Variants in TDRD9 observed in about 807,000 individuals in gnomAD.
The protein encoded by TDRD9 is ATP-dependent RNA helicase TDRD9.
A neutral mutation model predicts 172.6 loss-of-function variants in TDRD9; 124 were observed. The observed-to-expected ratio is 0.72, with a 90% CI of 0.62 to 0.83. TDRD9 has a LOEUF of 0.83. Ranked by LOEUF, TDRD9 falls within the 40% of genes least tolerant of loss-of-function variation. TDRD9 has a pLI of 0.00. For synonymous variants in TDRD9, 619 were observed against 617.1 expected (o/e 1.00, Z -0.05); for missense variants, 1,479 against 1,714.1 (o/e 0.86, Z 2.42).
At chr14:104,037,996 C>T (rs971765731) in intron 32 of TDRD9, among the ~76,000 whole-genome samples, 2 of 152,212 alleles carry the variant, frequency 1.3e-5, no homozygotes, top group African/African-American at 2.4e-5. Flanking sequence ...GAGCCTGGCA[C>T]CTCCAGGATG....
chr14:104,027,769 C>G (rs1044905598), intron 28 of TDRD9, among the ~76,000 whole-genome samples: 1 of 152,116 alleles, frequency 6.6e-6, no homozygotes, highest in Non-Finnish European at 1.5e-5. Flanking sequence ...ATATTTACCC[C>G]ACAGTGCTGC....
In TDRD9 at chr14:103,980,026, C is replaced by T. The variant is rs570206476; in HGVS notation, c.1011+4473C>T. On this transcript the variant is annotated intron_variant, in intron 7 of 35. Transcript: ENST00000409874. The surrounding 1 kb of genome is among the most constrained non-coding windows in gnomAD (Gnocchi z 4.5). The stretch of plus-strand genomic sequence containing the variant: ...AAGAAGCTATGACTACAGATGCATA[C>T]CACCATGCTTGGCTAATTAAAAAAA... Among the ~76,000 whole-genome samples the T allele has an allele frequency of 1.3e-5, 2 of 152,154 alleles. No individual in the cohort carries two copies. The highest frequency in any genetic ancestry group is 1.9e-4 in the East Asian group (1 of 5,174).
intron 35 of TDRD9, 73 bp downstream of exon 35, chr14:104,049,753 G>T: frequency 7.5e-7 from 1 of 1,340,854 alleles, no homozygotes; most frequent in South Asian, 1.3e-5. Context: ...CAGACCCAGG[G>T]TTCAGAGCCA....
intron 1 of TDRD9, among the ~76,000 whole-genome samples, chr14:103,955,370 A>G (rs771190271): frequency 2.6e-5 from 4 of 152,180 alleles, no homozygotes; most frequent in Non-Finnish European, 5.9e-5. Flanking sequence ...TGCCTCAAAA[A>G]AATGATACTG....
chr14:104,047,442 G>C (rs767281673), intron 34 of TDRD9, among the ~76,000 whole-genome samples: 36 of 151,844 alleles, frequency 2.4e-4, no homozygotes, highest in Admixed American at 5.9e-4. Flanking sequence ...AATGCTTCTT[G>C]TTTTAAGGCC....
intron 1 of TDRD9, among the ~76,000 whole-genome samples, chr14:103,931,800 A>G (rs983762284): frequency 4.6e-5 from 7 of 152,240 alleles, no homozygotes; most frequent in African/African-American, 1.7e-4. Context: ...GTCTGATCAC[A>G]TGAGCCCTTA....
At chr14:104,039,855 T>A (rs1184527128) in intron 32 of TDRD9, among the ~76,000 whole-genome samples, 1 of 151,842 alleles carries the variant, frequency 6.6e-6, no homozygotes, top group African/African-American at 2.4e-5. Flanking sequence ...ATCTCCCTAA[T>A]AAGAATTTAA....
chr14:104,015,312 G>C (rs2034754570), intron 21 of TDRD9, among the ~76,000 whole-genome samples: 1 of 152,152 alleles, frequency 6.6e-6, no homozygotes, highest in Non-Finnish European at 1.5e-5. Flanking sequence ...GTGTGTCCTG[G>C]CCAGTGGAGA....
At chr14:103,930,135 C>T (rs577939174) in intron 1 of TDRD9, among the ~76,000 whole-genome samples, 1 of 152,252 alleles carries the variant, frequency 6.6e-6, no homozygotes, top group South Asian at 2.1e-4. Context: ...CTTGCTCAGT[C>T]CCCAAGTCCA....
chr14:104,026,256 A>G (rs1196269794), intron 27 of TDRD9, 120 bp downstream of exon 27: 1 of 680,680 alleles, frequency 1.5e-6, no homozygotes. Flanking sequence ...GGCCCAGGAC[A>G]GGGAGGGACT....
chr14:103,988,953 C>T (rs1026199813), intron 8 of TDRD9, among the ~76,000 whole-genome samples: 2 of 152,014 alleles, frequency 1.3e-5, no homozygotes, highest in Non-Finnish European at 2.9e-5. Flanking sequence ...ATTACCTTTA[C>T]CAGTTCTCTT....
chr14:103,959,646 T>TATTTCAAAATTATTCAAAAATAAAAA (rs2032415937), intron 2 of TDRD9, among the ~76,000 whole-genome samples: 1 of 152,204 alleles, frequency 6.6e-6, no homozygotes, highest in Non-Finnish European at 1.5e-5. Context: ...TTCAAAACAC[T>TATTTCAAAATTATTCAAAAATAAAAA]TTTGATTTTG....
chr14:103,931,191 C>G (rs975323625), intron 1 of TDRD9, among the ~76,000 whole-genome samples: 1 of 151,422 alleles, frequency 6.6e-6, no homozygotes, highest in Non-Finnish European at 1.5e-5. Context: ...CCCAGCTACT[C>G]AGGAGGCTGA....
intron 1 of TDRD9, among the ~76,000 whole-genome samples, chr14:103,947,658 A>G (rs1373193058): frequency 6.6e-6 from 1 of 152,232 alleles, no homozygotes; most frequent in Non-Finnish European, 1.5e-5. Context: ...GATGCTGAGA[A>G]TAGTGGAAAT....
chr14:103,968,788 T>C (rs2032875563), intron 5 of TDRD9, among the ~76,000 whole-genome samples: 1 of 852 alleles, frequency 1.2e-3, no homozygotes, highest in Non-Finnish European at 0.01. Flanking sequence ...AGAGTGAGAC[T>C]CTGTCTCAAA....
intron 7 of TDRD9, among the ~76,000 whole-genome samples, chr14:103,983,434 A>C (rs112683108): frequency 6.6e-6 from 1 of 152,120 alleles, no homozygotes; most frequent in African/African-American, 2.4e-5. Flanking sequence ...TTGGAAAAAA[A>C]ATTTGCCCCT....
intron 4 of TDRD9, among the ~76,000 whole-genome samples, 189 bp from the exon 5 acceptor site, chr14:103,966,520 A>G (rs2032753337): frequency 1.3e-5 from 2 of 152,034 alleles, no homozygotes; most frequent in African/African-American, 4.8e-5. Context: ...AGATGAGCCA[A>G]CCCCTGCCGC....
rs746024324 is a variant in TDRD9 at position 104,049,110 on chromosome 14, GTATGTATGTA to G, written c.3975-496_3975-487del. On this transcript the variant is annotated intron_variant, in intron 34 of 35. Transcript: ENST00000409874. ...ATGGTTGTTGTTGGTATGTATGTAT[GTATGTATGTA>G]TGTGTGTGTGTGTGTGTGTGTGTGT... 2.5e-3 allele frequency among the ~76,000 whole-genome samples: 132 copies of G among 52,250 alleles called. No individual in the cohort carries two copies. In the South Asian group the frequency reaches 0.048, roughly 19 times the overall value. 34.3% of individuals were successfully genotyped at this position (52,250 alleles called of 152,430 possible).
At chr14:104,019,942 C>T (rs1036779633) in intron 23 of TDRD9, among the ~76,000 whole-genome samples, 1 of 152,166 alleles carries the variant, frequency 6.6e-6, no homozygotes. Context: ...TGTGAGGCCT[C>T]GGGCTGGTGC....
Sources: gnomAD v4.1 joint callset for allele counts (sites outside exome capture counted in the v4.1 genomes callset) on GRCh38, gnomAD v4.1.1 for gene constraint, Gnocchi (gnomAD v3.1) non-coding constraint, MANE v1.5 for transcripts, NCBI Gene and HGNC (gene_info 2026-07-23, HGNC 2026-07-21) for gene names.